CHD3: variants seen among roughly 807,000 people sequenced by gnomAD.
CHD3 encodes the protein chromodomain helicase DNA binding protein 3.
In CHD3, 52 loss-of-function variants were observed where a neutral mutation model predicts 248.9. The ratio of observed to expected loss-of-function variants is 0.21; its 90% confidence interval spans 0.17 to 0.26. The LOEUF (loss-of-function observed/expected upper bound fraction) is 0.26, where lower values mean the gene tolerates loss of function less well. CHD3 is among the 10% of genes least tolerant of loss of function. The pLI is 1.00. For missense variants in CHD3, 1,482 were observed against 2,605.8 expected (o/e 0.57, Z 9.39); for synonymous variants, 985 against 985.2 (o/e 1.00, Z 0.00).
rs1382229265 is a variant in CHD3, at chr17:7,899,216, G to A, written c.2343+14G>A. 5 of 1,609,958 alleles carry A rather than the reference G, an allele frequency of 3.1e-6. No individual in the cohort carries two copies. The Admixed American group carries it at 8.4e-5, about 27-fold the overall frequency. ...CTCTACAAGGAGGTGCTGGATTCTA[G>A]GACCTTGAAGGGGACCGCCTGGACT... is the stretch of plus-strand genomic sequence containing the variant. On this transcript the variant is annotated intron_variant, in intron 14 of 39. Transcript: ENST00000330494. The surrounding 1 kb of genome is among the most constrained non-coding windows in gnomAD (Gnocchi z 6.8).
Position 7,907,959 on chromosome 17 carries a change from C to A in CHD3, c.5092C>A (p.Arg1698=). The A allele has an allele frequency of 1.2e-6, 2 of 1,612,974 alleles. No individual in the cohort carries two copies. Among genetic ancestry groups the A allele is most frequent in the Non-Finnish European group, 1.7e-6 (2 of 1,179,158 alleles). The part of the protein sequence containing the change: ...PRDEPRSNGR[R]EEKTEKPRFM... ...AGATGAGCCACGGTCCAATGGGCGACGAGAGGAAAAGACAGAGAAGCCCCG... is the reference window on the plus strand; with the variant it reads ...AGATGAGCCACGGTCCAATGGGCGAAGAGAGGAAAAGACAGAGAAGCCCCG... Residue 1698 remains arginine (R), a synonymous_variant, in exon 34 of 40, where the codon CGA becomes AGA. Transcript: ENST00000330494. This position sits in a 1 kb window ranked among gnomAD's most constrained non-coding sequence, Gnocchi z 4.3.
rs774958880 is a variant in CHD3 at position 7,908,058 on chromosome 17, A to ATCT, written c.5152+40_5152+42dup. The ATCT allele has an allele frequency of 1.3e-5, 21 of 1,561,706 alleles. No homozygotes were observed. The highest frequency in any genetic ancestry group is 1.7e-5 in the Non-Finnish European group (20 of 1,149,824). On this transcript the variant is annotated intron_variant, in intron 34 of 39. Transcript: ENST00000330494. This position sits in a 1 kb window ranked among gnomAD's most constrained non-coding sequence, Gnocchi z 5.8. Reference sequence around the variant, plus strand: ...TCGCTGCTTTCTGCTCCTCAAGGGGATCTGCTCATCCTCATGGGGTTTCTC... The same window carrying ATCT: ...TCGCTGCTTTCTGCTCCTCAAGGGGATCTTCTGCTCATCCTCATGGGGTTTCTC...
intron 4 of CHD3, among the ~76,000 whole-genome samples, chr17:7,892,988 C>T (rs1003036249): frequency 6.6e-6 from 1 of 152,026 alleles, no homozygotes; most frequent in Non-Finnish European, 1.5e-5. Context: ...CACTTTGTTG[C>T]CCAGGCTTAT....
Position 7,910,418 on chromosome 17 carries a change from C to T in CHD3, c.5591-10C>T, listed in dbSNP as rs145883027. On this transcript the variant is annotated splice_polypyrimidine_tract_variant and intron_variant, in intron 37 of 39. Transcript: ENST00000330494. The surrounding 1 kb of genome is among the most constrained non-coding windows in gnomAD (Gnocchi z 4.7). Reference sequence around the variant, plus strand: ...CTCTTGCCCTTCTTTCTCTGTGGCCCGGGCCCCAGTTCTGAACCAGCTGGA... The same window carrying T: ...CTCTTGCCCTTCTTTCTCTGTGGCCTGGGCCCCAGTTCTGAACCAGCTGGA... 9.7e-4 allele frequency: 1,570 copies of T among 1,614,032 alleles called. 10 individuals carry two copies. The African/African-American group carries it at 0.017, about 17-fold the overall frequency.
chr17:7,884,893 C>CGAG (rs770383628), upstream of CHD3: 93 of 1,280,548 alleles, frequency 7.3e-5, no homozygotes, highest in South Asian at 2.1e-4. Context: ...AAGAGGGCGA[C>CGAG]GAGGAGGAGG....
In CHD3 at chr17:7,893,340, C is replaced by A; in HGVS notation, c.564C>A (p.Ile188=). The change falls in exon 5 of 40, where the codon ATC becomes ATA. Residue 188 remains isoleucine (I), a synonymous_variant. Coordinates refer to ENST00000330494, the MANE Select transcript of CHD3 (RefSeq NM_001005273.3). ...PKIPMSKMMT[I]LGAKWREFSA... ...TCCCAATGTCTAAGATGATGACCATCCTTGGGGCCAAATGGAGAGAGTTCA... is the reference window on the plus strand; with the variant it reads ...TCCCAATGTCTAAGATGATGACCATACTTGGGGCCAAATGGAGAGAGTTCA... 1.2e-6 allele frequency: 2 copies of A among 1,613,942 alleles called. No homozygotes were observed. The highest frequency in any genetic ancestry group is 2.2e-5 in the South Asian group (2 of 91,058).
In CHD3 at chr17:7,909,395, A is replaced by C; in HGVS notation, c.5590+57A>C. 6.8e-7 allele frequency: 1 copy of C among 1,476,428 alleles called. No homozygotes were observed. The highest frequency in any genetic ancestry group is 9.0e-7 in the Non-Finnish European group (1 of 1,111,064). 91.5% of individuals were successfully genotyped at this position (1,476,428 alleles called of 1,614,324 possible). On this transcript the variant is annotated intron_variant, in intron 37 of 39. Transcript: ENST00000330494. The surrounding 1 kb of genome is among the most constrained non-coding windows in gnomAD (Gnocchi z 8.1). The stretch of plus-strand genomic sequence containing the variant: ...GGCCCACAACGCTGCGTAAGTCTTC[A>C]CCCCGCACCCCTCAAAATCTTCCCA...
Position 7,894,669 on chromosome 17 carries a change from G to GGTTT in CHD3, c.1269+62_1269+65dup. 4 of 1,538,808 alleles carry GGTTT rather than the reference G, an allele frequency of 2.6e-6. No homozygotes were observed. In the South Asian group the frequency reaches 4.8e-5, roughly 19 times the overall value. ...GAACCCACCCATCTCTTTCCCCCTTGGTTTCACTTACCCTCTTCCTGCCCC... is the reference window on the plus strand; with the variant it reads ...GAACCCACCCATCTCTTTCCCCCTTGGTTTGTTTCACTTACCCTCTTCCTGCCCC... On this transcript the variant is annotated intron_variant, in intron 8 of 39. Coordinates refer to ENST00000330494, the MANE Select transcript of CHD3 (RefSeq NM_001005273.3).
In CHD3 at chr17:7,898,520, T is replaced by C; in HGVS notation, c.2076T>C (p.Pro692=). The change falls in exon 13 of 40, where the codon CCT becomes CCC. Residue 692 remains proline (P), a synonymous_variant. Coordinates refer to ENST00000330494, the MANE Select transcript of CHD3 (RefSeq NM_001005273.3). ...RHRELIMGED[P]AQPRKYKKKK... Reference sequence around the variant, plus strand: ...GAGAACTAATTATGGGGGAAGACCCTGCCCAGCCCCGCAAGTATAAGAAGA... The same window carrying C: ...GAGAACTAATTATGGGGGAAGACCCCGCCCAGCCCCGCAAGTATAAGAAGA... 1 of 1,614,056 alleles carries C rather than the reference T, an allele frequency of 6.2e-7. No individual in the cohort carries two copies. Among genetic ancestry groups the C allele is most frequent in the Non-Finnish European group, 8.5e-7 (1 of 1,179,942 alleles).
At position 7,895,057 on chromosome 17, in the gene CHD3, C is replaced by T; in HGVS notation, c.1410C>T (p.Cys470=). Residue 470 remains cysteine (C), a synonymous_variant, in exon 9 of 40, where the codon TGC becomes TGT. Transcript: ENST00000330494. This position sits in a 1 kb window ranked among gnomAD's most constrained non-coding sequence, Gnocchi z 4.9. ...GCAAGGACGGCGGGGAGCTCCTGTG[C>T]TGTGACGCGTGCATCTCCTCCTACC... ...RVCKDGGELL[C]CDACISSYHI... is the part of the protein sequence containing the mutation. 6.2e-7 allele frequency: 1 copy of T among 1,614,118 alleles called. No individual in the cohort carries two copies.
chr17:7,910,378 T>C lies in CHD3; in HGVS notation c.5591-50T>C. The stretch of plus-strand genomic sequence containing the variant: ...CTCTCTTTTCCTGGCTCCATCTCTG[T>C]ATTTCCCTGTCTTTCTCTTGCCCTT... On this transcript the variant is annotated intron_variant, in intron 37 of 39. Coordinates refer to ENST00000330494, the MANE Select transcript of CHD3 (RefSeq NM_001005273.3). This position sits in a 1 kb window ranked among gnomAD's most constrained non-coding sequence, Gnocchi z 4.7. 1 of 1,612,318 alleles carries C rather than the reference T, an allele frequency of 6.2e-7. No homozygotes were observed. Among genetic ancestry groups the C allele is most frequent in the Non-Finnish European group, 8.5e-7 (1 of 1,178,458 alleles).
chr17:7,898,555 A>C lies in CHD3; in HGVS notation c.2111A>C (p.Glu704Ala). 2 of 1,614,024 alleles carry C rather than the reference A, an allele frequency of 1.2e-6. No homozygotes were observed. The highest frequency in any genetic ancestry group is 1.7e-6 in the Non-Finnish European group (2 of 1,179,958). The part of the protein sequence containing the change: ...QPRKYKKKKK[E>A]LQGDGPPSSP... ...CGCAAGTATAAGAAGAAGAAGAAGG[A>C]GCTACAGGGTGATGGGCCTCCCAGT... The change falls in exon 13 of 40, where the codon GAG (glutamate) becomes GCG (alanine). Residue 704 changes from glutamate (E) to alanine (A), a missense_variant. Physicochemically the swap from Glu to Ala is moderately radical, Grantham distance 107. Coordinates refer to ENST00000330494, the MANE Select transcript of CHD3 (RefSeq NM_001005273.3).
At position 7,906,032 on chromosome 17, in the gene CHD3, G is replaced by A. The variant is rs1055245706; in HGVS notation, c.4358+43G>A. ...AGGGCTGAGTTGGACGCAAGGGGAA[G>A]AGCTTTGGGTGTTCCTTTCTTCCTT... is the stretch of plus-strand genomic sequence containing the variant. On this transcript the variant is annotated intron_variant, in intron 28 of 39. Coordinates refer to ENST00000330494, the MANE Select transcript of CHD3 (RefSeq NM_001005273.3). This position sits in a 1 kb window ranked among gnomAD's most constrained non-coding sequence, Gnocchi z 5.0. 7 of 1,610,890 alleles carry A rather than the reference G, an allele frequency of 4.3e-6. No individual in the cohort carries two copies. Among genetic ancestry groups the A allele is most frequent in the East Asian group, 4.5e-5 (2 of 44,830 alleles).
Position 7,895,220 on chromosome 17 carries a change from A to T in CHD3, c.1503+70A>T. ...CCCTTCCCCCATCCCTGGGGCCCAC[A>T]TGTCCAGCTTTTCATTTCTCTGCAC... On this transcript the variant is annotated intron_variant, in intron 9 of 39. Coordinates refer to ENST00000330494, the MANE Select transcript of CHD3 (RefSeq NM_001005273.3). This position sits in a 1 kb window ranked among gnomAD's most constrained non-coding sequence, Gnocchi z 4.9. 6.3e-7 allele frequency: 1 copy of T among 1,585,066 alleles called. No individual in the cohort carries two copies. The highest frequency in any genetic ancestry group is 8.6e-7 in the Non-Finnish European group (1 of 1,162,642).
Position 7,898,013 on chromosome 17 carries a change from G to C in CHD3, c.1962G>C (p.Arg654Ser). The C allele has an allele frequency of 1.2e-6, 2 of 1,614,068 alleles. No individual in the cohort carries two copies. The highest frequency in any genetic ancestry group is 1.7e-6 in the Non-Finnish European group (2 of 1,179,962). The change falls in exon 12 of 40, where the codon AGG becomes AGC. Residue 654 changes from arginine (R) to serine (S), a missense_variant. Around this residue, in one of 20 missense-constraint regions of CHD3, gnomAD observed 127 missense variants for 188.3 expected, o/e 0.67. Coordinates refer to ENST00000330494, the MANE Select transcript of CHD3 (RefSeq NM_001005273.3). ...ATTACCACTATCTAGTAAAATGGAGGGACTTACCATATGACCAGTCCACGT... is the reference window on the plus strand; with the variant it reads ...ATTACCACTATCTAGTAAAATGGAGCGACTTACCATATGACCAGTCCACGT... ...KGNYHYLVKW[R>S]DLPYDQSTWE...
upstream of CHD3, chr17:7,884,869 A>G: frequency 3.3e-6 from 4 of 1,210,944 alleles, no homozygotes; most frequent in Admixed American, 4.9e-5. Flanking sequence ...CGGAGGAGGA[A>G]GAAGAGGAGG....
chr17:7,886,349 T>C (rs1967946602), upstream of CHD3, among the ~76,000 whole-genome samples: 2 of 152,152 alleles, frequency 1.3e-5, no homozygotes, highest in Admixed American at 1.3e-4. This position sits in a 1 kb window ranked among gnomAD's most constrained non-coding sequence, Gnocchi z 4.2. Context: ...CATCTGGGTG[T>C]CCACACCCCC....
intron 20 of CHD3, 120 bp from the exon 21 acceptor site, chr17:7,902,490 A>T: frequency 1.7e-6 from 1 of 574,574 alleles, no homozygotes; most frequent in Non-Finnish European, 3.2e-6. Context: ...TGAGGAGCTT[A>T]AGACAGGGCA....
Position 7,909,096 on chromosome 17 carries a change from C to T in CHD3, c.5395-47C>T, listed in dbSNP as rs774181318. 38 of 1,548,352 alleles carry T rather than the reference C, an allele frequency of 2.5e-5. No individual in the cohort carries two copies. The South Asian group carries it at 4.4e-4, about 18-fold the overall frequency. On this transcript the variant is annotated intron_variant, in intron 36 of 39. Coordinates refer to ENST00000330494, the MANE Select transcript of CHD3 (RefSeq NM_001005273.3). This position sits in a 1 kb window ranked among gnomAD's most constrained non-coding sequence, Gnocchi z 8.1. ...ATGTCCGCCCCCCCAGCCCCTCACCCACTGCTGGCAGAGCCCTACCTTCAC... is the reference window on the plus strand; with the variant it reads ...ATGTCCGCCCCCCCAGCCCCTCACCTACTGCTGGCAGAGCCCTACCTTCAC...
Sources: allele counts gnomAD v4.1 joint callset (sites outside exome capture counted in the v4.1 genomes callset), GRCh38; gene constraint gnomAD v4.1.1; regional missense constraint gnomAD v4.1.1; non-coding constraint Gnocchi (gnomAD v3.1); transcripts MANE v1.5; gene names NCBI Gene and HGNC (gene_info 2026-07-23, HGNC 2026-07-21).